The following SYNJ2 variants were observed in gnomAD, a reference collection of about 807,000 sequenced individuals.
The protein encoded by SYNJ2 is polyphosphatidylinositol phosphatase SYNJ2.
A neutral mutation model predicts 141.3 loss-of-function variants in SYNJ2; 116 were observed. The observed-to-expected ratio is 0.82, with a 90% CI of 0.71 to 0.96. The LOEUF (loss-of-function observed/expected upper bound fraction) is 0.96, where lower values mean the gene tolerates loss of function less well. SYNJ2 is among the 40% of genes least tolerant of loss of function. SYNJ2 has a pLI of 0.00. For synonymous variants in SYNJ2, 745 were observed against 777.7 expected, an observed-to-expected ratio of 0.96 and a Z score of 0.70; for missense variants, 1,873 against 1,934.8, an observed-to-expected ratio of 0.97 and a Z score of 0.60.
intron 15 of SYNJ2, among the ~76,000 whole-genome samples, chr6:158,072,587 G>A (rs992215645): frequency 1.3e-5 from 2 of 152,014 alleles, no homozygotes; most frequent in Non-Finnish European, 2.9e-5. Flanking sequence ...TAAAACTGAC[G>A]TCCCATTTTA....
intron 5 of SYNJ2, among the ~76,000 whole-genome samples, chr6:158,053,085 A>C (rs1299744981): frequency 1.3e-5 from 2 of 152,150 alleles, no homozygotes; most frequent in East Asian, 3.9e-4. Context: ...GAGGGTCCCT[A>C]CATTTACATT....
At chr6:158,017,342 A>C (rs1562326414) in intron 2 of SYNJ2, 52 bp downstream of exon 2, 1 of 1,556,776 alleles carries the variant, frequency 6.4e-7, no homozygotes, top group Non-Finnish European at 8.7e-7. Context: ...GGTGGGCAGG[A>C]GCCTCTGTGT....
At chr6:158,030,917 T>A (rs1048210230) in intron 3 of SYNJ2, 1 of 152,070 alleles carries the variant, frequency 6.6e-6, no homozygotes, top group Admixed American at 6.5e-5. Flanking sequence ...TAAAATAAAA[T>A]AAATAAAATC....
intron 8 of SYNJ2, among the ~76,000 whole-genome samples, chr6:158,063,316 G>A (rs1344668579): frequency 6.6e-6 from 1 of 152,096 alleles, no homozygotes; most frequent in Admixed American, 6.6e-5. Context: ...AAGTGCTGGG[G>A]ATCCACTGGG....
intron 1 of SYNJ2, among the ~76,000 whole-genome samples, chr6:157,985,050 C>T (rs987726895): frequency 3.3e-5 from 5 of 152,220 alleles, no homozygotes; most frequent in African/African-American, 7.2e-5. Flanking sequence ...TGACCACAGG[C>T]GCTGCCCCTT....
At chr6:157,983,016 T>G (rs1242539153) in intron 1 of SYNJ2, among the ~76,000 whole-genome samples, 2 of 152,160 alleles carry the variant, frequency 1.3e-5, no homozygotes, top group Admixed American at 6.5e-5. Flanking sequence ...GAGAGTAAGC[T>G]CCCACCACTA....
Position 158,089,932 on chromosome 6 carries a change from C to T in SYNJ2, c.3550C>T (p.Leu1184=). ...QEAEAAIRCL[L]EARGGASEEA... ...GGCAGAAGCAGCAATCCGGTGTCTC[C>T]TGGAAGCCAGAGGAGGTAGGTGCTT... is the stretch of plus-strand genomic sequence containing the variant. The change falls in exon 25 of 27, where the codon CTG becomes TTG. Residue 1184 remains leucine, a synonymous_variant. Coordinates refer to ENST00000355585, the MANE Select transcript of SYNJ2 (RefSeq NM_003898.4). The T allele has an allele frequency of 6.2e-7, 1 of 1,613,960 alleles. No homozygotes were observed. Among genetic ancestry groups the T allele is most frequent in the Non-Finnish European group, 8.5e-7 (1 of 1,179,864 alleles).
intron 2 of SYNJ2, chr6:158,017,606 G>A (rs1319207156): frequency 4.0e-5 from 16 of 403,136 alleles, no homozygotes; most frequent in Non-Finnish European, 6.3e-5. Context: ...AGTAGAGACG[G>A]GGTTTTTCCA....
Position 158,028,887 on chromosome 6 carries a change from C to T in SYNJ2, c.346C>T (p.Arg116Cys), listed in dbSNP as rs781667368. ...TCAGGAAGAGGCCAAGGAGGAGGAA[C>T]GCCTCATAGCTTTGAAGAAAATCCT... ...PLQEEAKEEE[R>C]LIALKKILSS... is the part of the protein sequence containing the mutation. Residue 116 changes from arginine (R) to cysteine (C), a missense_variant, in exon 3 of 27, where the codon CGC becomes TGC. Physicochemically the swap from Arg to Cys is radical, Grantham distance 180. Transcript: ENST00000355585. 31 of 1,614,068 alleles carry T rather than the reference C, an allele frequency of 1.9e-5. No homozygotes were observed. Among genetic ancestry groups the T allele is most frequent in the African/African-American group, 4.0e-5 (3 of 74,918 alleles).
In SYNJ2 at chr6:158,070,843, C is replaced by A. The variant is rs181609282; in HGVS notation, c.1941-759C>A. On this transcript the variant is annotated intron_variant, in intron 14 of 26. Transcript: ENST00000355585. This position sits in a 1 kb window ranked among gnomAD's most constrained non-coding sequence, Gnocchi z 4.0. ...CATTGCATAAAAGTCCTTTTGAGAC[C>A]ATCTACCCAGCCCAGCATAAACAGC... 6.6e-6 allele frequency among the ~76,000 whole-genome samples: 1 copy of A among 152,288 alleles called. No individual in the cohort carries two copies. Among genetic ancestry groups the A allele is most frequent in the Non-Finnish European group, 1.5e-5 (1 of 68,022 alleles).
At chr6:157,991,202 T>C (rs1290645877) in intron 1 of SYNJ2, among the ~76,000 whole-genome samples, 2 of 152,090 alleles carry the variant, frequency 1.3e-5, no homozygotes, top group African/African-American at 2.4e-5. Context: ...GAGAAAGTGG[T>C]GAGTGCGTTG....
intron 1 of SYNJ2, among the ~76,000 whole-genome samples, chr6:157,996,758 TGG>T (rs1442097776): frequency 6.6e-6 from 1 of 152,146 alleles, no homozygotes; most frequent in Non-Finnish European, 1.5e-5. Flanking sequence ...TAAAAGTGTG[TGG>T]CACCCACCCC....
At position 158,084,381 on chromosome 6, in the gene SYNJ2, AT is replaced by A. The variant is rs534099893; in HGVS notation, c.3208+214del. ...CACCCTGATTTCCTCTAGTTAGTTT[AT>A]TTTTTTACAATAACTTGTACCCCCA... On this transcript the variant is annotated intron_variant, in intron 22 of 26. Coordinates refer to ENST00000355585, the MANE Select transcript of SYNJ2 (RefSeq NM_003898.4). The surrounding 1 kb of genome is among the most constrained non-coding windows in gnomAD (Gnocchi z 5.0). Among the ~76,000 whole-genome samples, 1 of 151,906 alleles carries A rather than the reference AT, an allele frequency of 6.6e-6. No homozygotes were observed. The highest frequency in any genetic ancestry group is 1.5e-5 in the Non-Finnish European group (1 of 67,970).
At chr6:158,078,410 A>G (rs531455065) in intron 18 of SYNJ2, 129 bp downstream of exon 18, 8 of 616,610 alleles carry the variant, frequency 1.3e-5, no homozygotes, top group Admixed American at 7.9e-5. Context: ...TGTGCATACA[A>G]TACACCAAAG....
intron 4 of SYNJ2, among the ~76,000 whole-genome samples, chr6:158,037,090 G>A (rs1345088121): frequency 2.0e-5 from 3 of 152,168 alleles, no homozygotes; most frequent in African/African-American, 7.2e-5. Flanking sequence ...CAAACCGCAT[G>A]CATTTCCTAG....
At chr6:158,005,269 G>T (rs1208485262) in intron 1 of SYNJ2, among the ~76,000 whole-genome samples, 2 of 151,972 alleles carry the variant, frequency 1.3e-5, no homozygotes, top group East Asian at 3.9e-4. Flanking sequence ...AATAGAGATG[G>T]GGTTTCACCA....
intron 4 of SYNJ2, among the ~76,000 whole-genome samples, chr6:158,038,482 G>A (rs982291039): frequency 2.0e-5 from 3 of 152,116 alleles, no homozygotes; most frequent in African/African-American, 4.8e-5. Context: ...CTACACCCAC[G>A]GTAGCTCTTG....
intron 4 of SYNJ2, among the ~76,000 whole-genome samples, chr6:158,041,116 C>T (rs1169723564): frequency 6.6e-6 from 1 of 152,162 alleles, no homozygotes; most frequent in Non-Finnish European, 1.5e-5. Flanking sequence ...TCTCCGTGCA[C>T]AAGGTGACAT....
chr6:158,095,410 G>C (rs774225858), intron 26 of SYNJ2, among the ~76,000 whole-genome samples: 2 of 152,072 alleles, frequency 1.3e-5, no homozygotes, highest in Non-Finnish European at 2.9e-5. Context: ...GGACCTGCTG[G>C]TGTGACCTGA....
Sources: allele counts gnomAD v4.1 joint callset (sites outside exome capture counted in the v4.1 genomes callset), GRCh38; gene constraint gnomAD v4.1.1; non-coding constraint Gnocchi (gnomAD v3.1); transcripts MANE v1.5; gene names NCBI Gene and HGNC (gene_info 2026-07-23, HGNC 2026-07-21).